Variants in RAB37 observed in about 807,000 individuals in gnomAD.
RAB37 encodes ras-related protein Rab-37.
In RAB37, 29 loss-of-function variants were observed where a neutral mutation model predicts 33.1. The observed-to-expected ratio is 0.88, with a 90% CI of 0.65 to 1.20. The LOEUF is 1.20. Ranked by LOEUF, RAB37 falls within the 50% of genes most tolerant of loss-of-function variation. RAB37 has a pLI of 0.00. For missense variants in RAB37, 299 were observed against 301.1 expected (o/e 0.99, Z 0.05); for synonymous variants, 128 against 119.5 (o/e 1.07, Z -0.47).
chr17:74,736,569 G>T (rs1377036866), upstream of RAB37: 1 of 1,503,072 alleles, frequency 6.7e-7, no homozygotes, highest in Non-Finnish European at 8.9e-7. Flanking sequence ...CGGTCCACTG[G>T]GAGATGTGTG....
chr17:74,733,834 A>T (rs2034428097), upstream of RAB37, among the ~76,000 whole-genome samples: 1 of 151,988 alleles, frequency 6.6e-6, no homozygotes, highest in South Asian at 2.1e-4. Flanking sequence ...ACCCTACAGG[A>T]CATTACAGTG....
intron 1 of RAB37, chr17:74,695,793 G>GTA (rs2032402032): frequency 6.2e-7 from 1 of 1,614,060 alleles, no homozygotes; most frequent in African/African-American, 1.3e-5. Context: ...GCCTTTTGCG[G>GTA]GGAGGTTCCG....
Position 74,742,143 on chromosome 17 carries a change from G to A in RAB37, c.205-111G>A. ...GTATGATCTGGCTGGAGACGGTTCTGGGGCTCACTGCACCCACTCTAGGCC... is the reference window on the plus strand; with the variant it reads ...GTATGATCTGGCTGGAGACGGTTCTAGGGCTCACTGCACCCACTCTAGGCC... On this transcript the variant is annotated intron_variant, in intron 2 of 8. Transcript: ENST00000392613. The surrounding 1 kb of genome is among the most constrained non-coding windows in gnomAD (Gnocchi z 4.0). 3 of 1,344,860 alleles carry A rather than the reference G, an allele frequency of 2.2e-6. No individual in the cohort carries two copies. The highest frequency in any genetic ancestry group is 3.1e-6 in the Non-Finnish European group (3 of 969,970). 83.3% of individuals were successfully genotyped at this position (1,344,860 alleles called of 1,614,324 possible). A position where few individuals can be genotyped will look rare whatever the true frequency, so the allele number is the denominator to read the frequency against.
In RAB37 at chr17:74,742,543, G is replaced by T. The variant is rs1456682044; in HGVS notation, c.246+248G>T. ...GCCTCCATCCATCTCCTCCCCAGTT[G>T]CCAGGGCTTTATCTGCTCTTAGGAG... On this transcript the variant is annotated intron_variant, in intron 3 of 8. Coordinates refer to ENST00000392613, the MANE Select transcript of RAB37 (RefSeq NM_001006638.3). The surrounding 1 kb of genome is among the most constrained non-coding windows in gnomAD (Gnocchi z 4.0). Among the ~76,000 whole-genome samples, 1 of 152,160 alleles carries T rather than the reference G, an allele frequency of 6.6e-6. No homozygotes were observed. The highest frequency in any genetic ancestry group is 1.5e-5 in the Non-Finnish European group (1 of 68,026).
chr17:74,744,754 C>T lies in RAB37; in HGVS notation c.433-119C>T. On this transcript the variant is annotated intron_variant, in intron 6 of 8. Coordinates refer to ENST00000392613, the MANE Select transcript of RAB37 (RefSeq NM_001006638.3). This position sits in a 1 kb window ranked among gnomAD's most constrained non-coding sequence, Gnocchi z 4.2. ...AAACCCTGGCCCCAGGCCAATCACA[C>T]CTGCCTGCAGTCCCTTGGGCCACCA... 1.6e-6 allele frequency: 2 copies of T among 1,213,990 alleles called. No homozygotes were observed. The highest frequency in any genetic ancestry group is 1.2e-5 in the South Asian group (1 of 81,690). The allele number at this position is 1,213,990 out of a possible 1,614,324, so 75.2% of individuals were successfully genotyped here. A position where few individuals can be genotyped will look rare whatever the true frequency, so the allele number is the denominator to read the frequency against.
At chr17:74,733,531 T>C (rs2034422945), upstream of RAB37, among the ~76,000 whole-genome samples, 1 of 144,942 alleles carries the variant, frequency 6.9e-6, no homozygotes, top group Non-Finnish European at 1.5e-5. Context: ...GTGGTGTGAT[T>C]TGAGGGGTGA....
At chr17:74,723,301 C>T (rs927762468) in intron 1 of RAB37, among the ~76,000 whole-genome samples, 10 of 152,198 alleles carry the variant, frequency 6.6e-5, no homozygotes, top group East Asian at 1.9e-4. Flanking sequence ...AATGCTCAAA[C>T]GCAGTAACAA....
intron 1 of RAB37, chr17:74,703,049 G>C: frequency 6.2e-7 from 1 of 1,613,842 alleles, no homozygotes. Context: ...TGTCCAAGTG[G>C]TGGCCGGTCA....
chr17:74,731,782 C>T (rs778590890), intron 2 of RAB37, among the ~76,000 whole-genome samples: 252 of 151,918 alleles, frequency 1.7e-3, no homozygotes, highest in Non-Finnish European at 2.9e-3. Flanking sequence ...CCGAGGCGGG[C>T]GGATCACTTG....
chr17:74,709,155 C>A (rs1179070685), intron 1 of RAB37, among the ~76,000 whole-genome samples: 1 of 151,144 alleles, frequency 6.6e-6, no homozygotes, highest in Non-Finnish European at 1.5e-5. Context: ...ACCCAGGAGG[C>A]GGAGGTTGCA....
intron 2 of RAB37, among the ~76,000 whole-genome samples, chr17:74,732,069 T>C (rs1447356003): frequency 2.0e-5 from 3 of 151,818 alleles, no homozygotes; most frequent in African/African-American, 7.3e-5. Flanking sequence ...ACCTGAACAT[T>C]CACGGTTCAC....
At chr17:74,725,805 G>A (rs2034299445) in intron 1 of RAB37, among the ~76,000 whole-genome samples, 1 of 151,742 alleles carries the variant, frequency 6.6e-6, no homozygotes, top group Non-Finnish European at 1.5e-5. Context: ...TGTATTTTTA[G>A]TAGAGACAGC....
chr17:74,698,563 G>A (rs752233808), intron 1 of RAB37: 5 of 1,534,994 alleles, frequency 3.3e-6, no homozygotes, highest in Middle Eastern at 1.7e-4. Context: ...AGCAGCAGGG[G>A]AGGGCCACAC....
In RAB37 at chr17:74,671,427, C is replaced by T. The variant is rs1440416963; in HGVS notation, c.-160C>T. ...GCCGCCTGCCCGCCTGGTACCGCGC[C>T]GCGGCCGCTGCGGGGAACTGTCCAG... On this transcript the variant is annotated 5_prime_UTR_variant, in exon 1 of 8. Coordinates refer to the RAB37 transcript ENST00000340415. This position sits in a 1 kb window ranked among gnomAD's most constrained non-coding sequence, Gnocchi z 5.0. 7.8e-6 allele frequency: 5 copies of T among 640,612 alleles called. No homozygotes were observed. The Admixed American group carries it at 1.2e-4, about 15-fold the overall frequency. 39.7% of individuals were successfully genotyped at this position (640,612 alleles called of 1,614,324 possible).
At position 74,695,216 on chromosome 17, in the gene RAB37, A is replaced by T. The variant is rs776204112; in HGVS notation, c.72+23558A>T. The T allele has an allele frequency of 2.5e-6, 4 of 1,614,124 alleles. No individual in the cohort carries two copies. The South Asian group carries it at 4.4e-5, about 18-fold the overall frequency. ...CCTGATCCTCAGCACCCAAGGTCAG[A>T]GATGCATAGGAAATGTCCTCCTTCG... is the stretch of plus-strand genomic sequence containing the variant. On this transcript the variant is annotated intron_variant, in intron 1 of 7. Transcript: ENST00000340415.
chr17:74,707,129 A>G (rs772026498), intron 1 of RAB37, among the ~76,000 whole-genome samples: 5 of 152,218 alleles, frequency 3.3e-5, no homozygotes, highest in Admixed American at 6.5e-5. Flanking sequence ...GCAAAACTAG[A>G]CAAATGGGAC....
chr17:74,713,022 G>T, intron 1 of RAB37: 1 of 779,612 alleles, frequency 1.3e-6, no homozygotes, highest in African/African-American at 1.7e-5. Context: ...GAAGGAGGTG[G>T]TTGGTTGGGC....
chr17:74,692,335 T>C (rs1273249798), intron 1 of RAB37, among the ~76,000 whole-genome samples: 3 of 152,126 alleles, frequency 2.0e-5, no homozygotes, highest in Admixed American at 1.3e-4. Flanking sequence ...AGCTCAAGAA[T>C]AGTCAAGCTT....
At chr17:74,739,843 T>C (rs2034566435) in intron 1 of RAB37, among the ~76,000 whole-genome samples, 1 of 152,060 alleles carries the variant, frequency 6.6e-6, no homozygotes, top group Admixed American at 6.6e-5. Flanking sequence ...ATGCAACCTT[T>C]TAATAAACAT....
Sources: gnomAD v4.1 joint callset for allele counts (sites outside exome capture counted in the v4.1 genomes callset) on GRCh38, gnomAD v4.1.1 for gene constraint, Gnocchi (gnomAD v3.1) non-coding constraint, MANE v1.5 for transcripts, NCBI Gene and HGNC (gene_info 2026-07-23, HGNC 2026-07-21) for gene names.